Variants in BMP6 observed in about 807,000 individuals in gnomAD.
BMP6 encodes the protein bone morphogenetic protein 6.
A neutral mutation model predicts 54.1 loss-of-function variants in BMP6; 17 were observed. That is an observed-to-expected ratio of 0.31 (90% CI 0.22 to 0.47). The LOEUF (loss-of-function observed/expected upper bound fraction) is 0.47, where lower values mean the gene tolerates loss of function less well. BMP6 is among the 20% of genes least tolerant of loss of function. The probability of loss-of-function intolerance (pLI) is 1.00; values close to 1 mark genes in which losing one functional copy is unlikely to be tolerated. For synonymous variants in BMP6, 328 were observed against 291.2 expected, an observed-to-expected ratio of 1.13 and a Z score of -1.28; for missense variants, 720 against 690.4, an observed-to-expected ratio of 1.04 and a Z score of -0.48.
At chr6:7,853,388 G>A (rs558966228) in intron 2 of BMP6, among the ~76,000 whole-genome samples, 1 of 152,202 alleles carries the variant, frequency 6.6e-6, no homozygotes, top group Non-Finnish European at 1.5e-5. Flanking sequence ...AAACAAGATC[G>A]GGACCCAATG....
At chr6:7,865,734 T>TGCA (rs1203674089) in intron 4 of BMP6, among the ~76,000 whole-genome samples, 1 of 152,128 alleles carries the variant, frequency 6.6e-6, no homozygotes, top group Non-Finnish European at 1.5e-5. Flanking sequence ...ACTTTCTGCT[T>TGCA]GTAAATCTTT....
chr6:7,797,536 C>CA (rs1277197600), intron 1 of BMP6, among the ~76,000 whole-genome samples: 2 of 152,142 alleles, frequency 1.3e-5, no homozygotes, highest in Non-Finnish European at 2.9e-5. Context: ...AGGTGAGAAA[C>CA]AAGAGTGGGT....
intron 1 of BMP6, among the ~76,000 whole-genome samples, chr6:7,784,292 A>C (rs1042643272): frequency 6.6e-6 from 1 of 151,990 alleles, no homozygotes. Flanking sequence ...TGCCCTTCTT[A>C]TTATCTAAGT....
chr6:7,830,798 A>G (rs1273138961), intron 1 of BMP6, among the ~76,000 whole-genome samples: 1 of 152,084 alleles, frequency 6.6e-6, no homozygotes, highest in African/African-American at 2.4e-5. Flanking sequence ...TATCACAAGA[A>G]CAGCACGGGA....
chr6:7,853,224 A>AT (rs1321247035), intron 2 of BMP6, among the ~76,000 whole-genome samples: 5 of 151,860 alleles, frequency 3.3e-5, no homozygotes, highest in African/African-American at 7.3e-5. Context: ...TTAATTCAGT[A>AT]TTTTTTTTAG....
intron 1 of BMP6, among the ~76,000 whole-genome samples, chr6:7,819,366 G>T (rs1758574449): frequency 6.6e-6 from 1 of 152,136 alleles, no homozygotes; most frequent in African/African-American, 2.4e-5. Context: ...TAACTTGTAG[G>T]TTACACAAAT....
chr6:7,833,548 C>T (rs752664968), intron 1 of BMP6, among the ~76,000 whole-genome samples: 6 of 152,150 alleles, frequency 3.9e-5, no homozygotes, highest in South Asian at 2.1e-4. Flanking sequence ...CTTTGGAGAA[C>T]GCTGGGCTGG....
At chr6:7,830,151 CCTCT>C (rs896471775) in intron 1 of BMP6, among the ~76,000 whole-genome samples, 1 of 151,978 alleles carries the variant, frequency 6.6e-6, no homozygotes, top group African/African-American at 2.4e-5. Context: ...GAGCACCCCC[CCTCT>C]CTCTCATGTG....
chr6:7,863,296 C>G (rs992526401), intron 4 of BMP6, among the ~76,000 whole-genome samples: 6 of 152,218 alleles, frequency 3.9e-5, no homozygotes, highest in African/African-American at 1.4e-4. Flanking sequence ...CTGCGCCTGG[C>G]CAGGGGTTCT....
intron 2 of BMP6, among the ~76,000 whole-genome samples, chr6:7,850,064 C>T (rs1193580969): frequency 6.6e-6 from 1 of 152,148 alleles, no homozygotes; most frequent in Non-Finnish European, 1.5e-5. Flanking sequence ...CTTCAGAATC[C>T]TTAGGCTTTG....
chr6:7,866,248 CAT>C (rs559189297), intron 4 of BMP6, among the ~76,000 whole-genome samples: 97 of 152,362 alleles, frequency 6.4e-4, no homozygotes, highest in African/African-American at 1.7e-3. Flanking sequence ...TGTTTTTACA[CAT>C]GTTTGACTAG....
At position 7,845,317 on chromosome 6, in the gene BMP6, A is replaced by G; in HGVS notation, c.842A>G (p.Gln281Arg). Reference sequence around the variant, plus strand: ...CTTATCAGCATTTATCAAGTCTTACAGGAGCATCAGCACAGGTATGAAGGC... The same window carrying G: ...CTTATCAGCATTTATCAAGTCTTACGGGAGCATCAGCACAGGTATGAAGGC... Reference protein sequence around the residue: ...TFLISIYQVLQEHQHRDSDLF... With the variant: ...TFLISIYQVLREHQHRDSDLF... Residue 281 changes from glutamine to arginine, a missense_variant, in exon 2 of 7, where the codon CAG becomes CGG. Gln to Arg is a conservative substitution (Grantham distance 43, BLOSUM62 1). This residue lies in a region of BMP6 where 650 missense variants were observed against 556.3 expected (regional missense o/e 1.17). Coordinates refer to ENST00000283147, the MANE Select transcript of BMP6 (RefSeq NM_001718.6). The G allele has an allele frequency of 6.2e-7, 1 of 1,614,024 alleles. No homozygotes were observed. The highest frequency in any genetic ancestry group is 8.5e-7 in the Non-Finnish European group (1 of 1,179,902).
chr6:7,863,062 G>C (rs545097303), intron 4 of BMP6, among the ~76,000 whole-genome samples: 3 of 152,046 alleles, frequency 2.0e-5, no homozygotes, highest in Non-Finnish European at 4.4e-5. Context: ...GCAGTGGCAC[G>C]GTCTCGGCTC....
intron 1 of BMP6, among the ~76,000 whole-genome samples, chr6:7,774,231 T>C (rs1469599033): frequency 1.3e-5 from 2 of 152,216 alleles, no homozygotes; most frequent in African/African-American, 4.8e-5. Context: ...CTTGCTCTCA[T>C]TCCTGCTTTC....
intron 1 of BMP6, among the ~76,000 whole-genome samples, chr6:7,759,060 A>G (rs1319448677): frequency 6.6e-6 from 1 of 152,172 alleles, no homozygotes; most frequent in Non-Finnish European, 1.5e-5. Flanking sequence ...CAGCCATTGA[A>G]TTATCTCCTG....
At chr6:7,740,030 C>T (rs1436141753) in intron 1 of BMP6, among the ~76,000 whole-genome samples, 2 of 152,194 alleles carry the variant, frequency 1.3e-5, no homozygotes, top group Non-Finnish European at 2.9e-5. Flanking sequence ...ATGAGACCTG[C>T]ACACTGGGCT....
At chr6:7,826,778 A>ACACAGTCACCTCTCATGGGAG (rs551937618) in intron 1 of BMP6, among the ~76,000 whole-genome samples, 155 of 152,324 alleles carry the variant, frequency 1.0e-3, no homozygotes, top group African/African-American at 3.6e-3. Context: ...ATGCATAGCC[A>ACACAGTCACCTCTCATGGGAG]CACAGTCACC....
chr6:7,744,154 C>T (rs1457830621), intron 1 of BMP6, among the ~76,000 whole-genome samples: 1 of 152,210 alleles, frequency 6.6e-6, no homozygotes, highest in African/African-American at 2.4e-5. Context: ...TCCCATTCAG[C>T]TGTCCATCTT....
chr6:7,789,777 C>T (rs1460446183), intron 1 of BMP6, among the ~76,000 whole-genome samples: 1 of 152,044 alleles, frequency 6.6e-6, no homozygotes, highest in Non-Finnish European at 1.5e-5. Flanking sequence ...AATGAATGAC[C>T]CTCCTATCCT....
Sources: allele counts gnomAD v4.1 joint callset (sites outside exome capture counted in the v4.1 genomes callset), GRCh38; gene constraint gnomAD v4.1.1; regional missense constraint gnomAD v4.1.1; transcripts MANE v1.5; gene names NCBI Gene and HGNC (gene_info 2026-07-23, HGNC 2026-07-21).